SON: variants seen among roughly 807,000 people sequenced by gnomAD.
The protein encoded by SON is SON DNA and RNA binding protein, also known as protein SON.
A neutral mutation model predicts 173.3 loss-of-function variants in SON; 4 were observed. The ratio of observed to expected loss-of-function variants is 0.02; its 90% CI spans 0.01 to 0.05. The LOEUF is 0.05. SON is among the 10% of genes least tolerant of loss of function. The pLI, the probability that SON is intolerant of heterozygous loss-of-function variation, is 1.00. For missense variants in SON, 2,626 were observed against 3,055.3 expected (o/e 0.86, Z 3.31); for synonymous variants, 1,190 against 1,105.9 (o/e 1.08, Z -1.51).
At position 33,550,266 on chromosome 21, in the gene SON, C is replaced by G. The variant is rs774557128; in HGVS notation, c.1035C>G (p.Asp345Glu). 5.8e-5 allele frequency: 94 copies of G among 1,613,816 alleles called. 3 individuals carry two copies. The South Asian group carries it at 9.2e-4, about 16-fold the overall frequency. ...TAAGATTGCCAGAGCAGCCTGTAGA[C>G]GTACCATCGGAGATTGCAGATTCAT... The part of the protein sequence containing the change: ...EALRLPEQPV[D>E]VPSEIADSSM... Residue 345 changes from aspartate (D) to glutamate (E), a missense_variant, in exon 3 of 12, where the codon GAC becomes GAG. Asp to Glu is a conservative substitution (Grantham distance 45, BLOSUM62 2). Transcript: ENST00000356577.
intron 1 of SON, 144 bp from the exon 2 acceptor site, chr21:33,546,069 G>A: frequency 3.4e-6 from 2 of 592,966 alleles, no homozygotes; most frequent in Non-Finnish European, 5.6e-6. Context: ...ATGGTAAGAA[G>A]CATTATTAGT....
chr21:33,550,563 A>G lies in SON; in HGVS notation c.1332A>G (p.Thr444=). Residue 444 remains threonine (T), a synonymous_variant, in exon 3 of 12, where the codon ACA becomes ACG. Transcript: ENST00000356577. ...CTGAGTTGCCAGGGCCCTCTGTGACACCAGTGCCACAGTTGTCGCAGGAAT... is the reference window on the plus strand; with the variant it reads ...CTGAGTTGCCAGGGCCCTCTGTGACGCCAGTGCCACAGTTGTCGCAGGAAT... ...AVPELPGPSV[T]PVPQLSQELP... 6.2e-7 allele frequency: 1 copy of G among 1,613,628 alleles called. No homozygotes were observed. The highest frequency in any genetic ancestry group is 8.5e-7 in the Non-Finnish European group (1 of 1,179,852).
intron 11 of SON, 48 bp from the exon 12 acceptor site, chr21:33,576,317 A>C: frequency 1.1e-6 from 1 of 879,392 alleles, no homozygotes; most frequent in Non-Finnish European, 2.0e-6. Flanking sequence ...CAAAGCTAAT[A>C]GATATTAAAG....
At chr21:33,566,538 A>ATTT (rs72564634) in intron 6 of SON, among the ~76,000 whole-genome samples, 2 of 151,778 alleles carry the variant, frequency 1.3e-5, no homozygotes, top group African/African-American at 2.4e-5. Context: ...ATAGTGTAAT[A>ATTT]TACTTAATAT....
chr21:33,559,602 C>G lies in SON; in HGVS notation c.6484C>G (p.Pro2162Ala). 6.2e-7 allele frequency: 1 copy of G among 1,609,664 alleles called. No homozygotes were observed. Among genetic ancestry groups the G allele is most frequent in the Non-Finnish European group, 8.5e-7 (1 of 1,178,684 alleles). The change falls in exon 6 of 12, where the codon CCA becomes GCA. Residue 2162 changes from proline (P) to alanine (A), a missense_variant. Physicochemically the swap from Pro to Ala is conservative, Grantham distance 27. Transcript: ENST00000356577. This position sits in a 1 kb window ranked among gnomAD's most constrained non-coding sequence, Gnocchi z 4.1. ...TATTTTTTAGATTGCTGCAGCAAAACCAACTCCACCAAAAAGCCAGGTAAC... is the reference window on the plus strand; with the variant it reads ...TATTTTTTAGATTGCTGCAGCAAAAGCAACTCCACCAAAAAGCCAGGTAAC... ...FFNLNIAAAK[P>A]TPPKSQVTLT...
chr21:33,557,439 C>G, intron 4 of SON, 123 bp downstream of exon 4: 1 of 1,544,534 alleles, frequency 6.5e-7, no homozygotes. Context: ...TGGCCAAAAC[C>G]CGAAATACAG....
chr21:33,569,303 G>A, intron 8 of SON: 1 of 485,062 alleles, frequency 2.1e-6, no homozygotes, highest in Non-Finnish European at 3.8e-6. Context: ...AACTTATAAG[G>A]TTATTTTAAA....
rs2085905732 is a variant in SON at position 33,554,372 on chromosome 21, A to G, written c.5141A>G (p.Glu1714Gly). ...GEKEVPPPPK[E>G]TLPDSGFSAN... ...AAAGAAGTACCTCCCCCTCCTAAAG[A>G]GACACTGCCTGATTCAGGATTTTCT... Residue 1714 changes from glutamate (E) to glycine (G), a missense_variant, in exon 3 of 12, where the codon GAG (glutamate) becomes GGG (glycine). By Grantham distance (98) the Glu-to-Gly change is moderately conservative (BLOSUM62 -2). Transcript: ENST00000356577. The G allele has an allele frequency of 6.2e-7, 1 of 1,614,188 alleles. No homozygotes were observed. The highest frequency in any genetic ancestry group is 1.7e-5 in the Admixed American group (1 of 60,032).
chr21:33,574,576 A>T (rs938066292), intron 9 of SON, among the ~76,000 whole-genome samples: 8 of 152,136 alleles, frequency 5.3e-5, no homozygotes, highest in Non-Finnish European at 1.2e-4. Flanking sequence ...AAAACAGAAA[A>T]CTTTTTGAAT....
At position 33,576,660 on chromosome 21, in the gene SON, T is replaced by C. The variant is rs1456132880; in HGVS notation, c.*236T>C. 1.6e-6 allele frequency: 1 copy of C among 624,616 alleles called. No individual in the cohort carries two copies. The highest frequency in any genetic ancestry group is 3.0e-6 in the Non-Finnish European group (1 of 336,636). The allele number at this position is 624,616 out of a possible 1,614,324, so 38.7% of individuals were successfully genotyped here. A position where few individuals can be genotyped will look rare whatever the true frequency, so the allele number is the denominator to read the frequency against. On this transcript the variant is annotated 3_prime_UTR_variant, in exon 12 of 12. Coordinates refer to ENST00000356577, the MANE Select transcript of SON (RefSeq NM_138927.4). ...TTTAATGTTGTAAATATTTGGCAAT[T>C]TAAGACATTGTGTAAAAAGCAATCT...
rs201010079 is a variant in SON, at chr21:33,573,283, A to G, written c.6886-25A>G. 6.3e-6 allele frequency: 10 copies of G among 1,589,808 alleles called. No homozygotes were observed. The Admixed American group carries it at 1.4e-4, about 23-fold the overall frequency. On this transcript the variant is annotated intron_variant, in intron 8 of 11. Coordinates refer to ENST00000356577, the MANE Select transcript of SON (RefSeq NM_138927.4). Reference sequence around the variant, plus strand: ...CAAGTTCTAACTGTAAAATGGGGACATTTTACCTTTCTTTCTTTGGATAGG... The same window carrying G: ...CAAGTTCTAACTGTAAAATGGGGACGTTTTACCTTTCTTTCTTTGGATAGG...
chr21:33,559,114 C>T lies in SON; in HGVS notation c.6322-116C>T. Reference sequence around the variant, plus strand: ...ATATGCCAAGTTACGTATCTATAACCTATCATGAATCTTGTTTAACTTTGG... The same window carrying T: ...ATATGCCAAGTTACGTATCTATAACTTATCATGAATCTTGTTTAACTTTGG... On this transcript the variant is annotated intron_variant, in intron 4 of 11. Coordinates refer to ENST00000356577, the MANE Select transcript of SON (RefSeq NM_138927.4). This position sits in a 1 kb window ranked among gnomAD's most constrained non-coding sequence, Gnocchi z 4.1. The T allele has an allele frequency of 1.3e-6, 1 of 782,108 alleles. No homozygotes were observed. Among genetic ancestry groups the T allele is most frequent in the Non-Finnish European group, 2.0e-6 (1 of 505,046 alleles). The allele number at this position is 782,108 out of a possible 1,614,324, so 48.4% of individuals were successfully genotyped here. A position where few individuals can be genotyped will look rare whatever the true frequency, so the allele number is the denominator to read the frequency against.
Position 33,577,478 on chromosome 21 carries a change from T to A in SON, c.*1054T>A, listed in dbSNP as rs3178051. 2.0e-5 allele frequency: 3 copies of A among 152,620 alleles called. No homozygotes were observed. The South Asian group carries it at 6.2e-4, about 32-fold the overall frequency. 9.5% of individuals were successfully genotyped at this position (152,620 alleles called of 1,614,324 possible). On this transcript the variant is annotated 3_prime_UTR_variant, in exon 12 of 12. Coordinates refer to ENST00000356577, the MANE Select transcript of SON (RefSeq NM_138927.4). ...GGCCCAAATACAAACTTCTCTGGAA[T>A]AAACGTGGTGTTTTATTTTCTGGGT...
At chr21:33,573,266 A>T in intron 8 of SON, 42 bp from the exon 9 acceptor site, 2 of 1,541,318 alleles carry the variant, frequency 1.3e-6, no homozygotes, top group Non-Finnish European at 1.8e-6. Context: ...ACCAAGTTCT[A>T]ACTGTAAAAT....
chr21:33,552,832 T>G lies in SON; in HGVS notation c.3601T>G (p.Ser1201Ala). The G allele has an allele frequency of 6.2e-7, 1 of 1,613,540 alleles. No homozygotes were observed. ...AAATACTTGGCCTACAGAGGTGCCA[T>G]CATCACCATCTGAAGAGTCTGTATC... ...AENTWPTEVP[S>A]SPSEESVSQP... The change falls in exon 3 of 12, where the codon TCA becomes GCA. Residue 1201 changes from serine (S) to alanine (A), a missense_variant. Ser to Ala is a moderately conservative substitution (Grantham distance 99). Transcript: ENST00000356577. The surrounding 1 kb of genome is among the most constrained non-coding windows in gnomAD (Gnocchi z 5.6).
Position 33,549,477 on chromosome 21 carries a change from C to G in SON, c.246C>G (p.Asp82Glu). 1 of 1,525,218 alleles carries G rather than the reference C, an allele frequency of 6.6e-7. No homozygotes were observed. The highest frequency in any genetic ancestry group is 8.7e-7 in the Non-Finnish European group (1 of 1,143,542). 94.5% of individuals were successfully genotyped at this position (1,525,218 alleles called of 1,614,324 possible). A position where few individuals can be genotyped will look rare whatever the true frequency, so the allele number is the denominator to read the frequency against. ...VLDTELRYKP[D>E]LKEGSRKSRC... is the part of the protein sequence containing the mutation. The stretch of plus-strand genomic sequence containing the variant: ...AAAATTAATTTCTATTACTTTTAGA[C>G]TTGAAAGAGGGCTCCAGAAAAAGTA... The change falls in exon 3 of 12, where the codon GAC becomes GAG. Residue 82 changes from aspartate to glutamate, a missense_variant and splice_region_variant. Asp to Glu is a conservative substitution (Grantham distance 45). Transcript: ENST00000356577.
Position 33,555,195 on chromosome 21 carries a change from T to C in SON, c.5964T>C (p.Pro1988=), listed in dbSNP as rs139304331. ...CCCCCAGCCGCCGGAGCCGCACCCC[T>C]AGCCGTCGGAGCCGCACCCCAAGCC... The part of the protein sequence containing the change: ...SRTPSRRSRT[P]SRRSRTPSRR... Residue 1988 remains proline (P), a synonymous_variant, in exon 3 of 12, where the codon CCT becomes CCC. Coordinates refer to ENST00000356577, the MANE Select transcript of SON (RefSeq NM_138927.4). 850 of 1,505,168 alleles carry C rather than the reference T, an allele frequency of 5.6e-4. 10 individuals carry two copies. The East Asian group carries it at 0.013, about 22-fold the overall frequency. The allele number at this position is 1,505,168 out of a possible 1,614,324, so 93.2% of individuals were successfully genotyped here.
At chr21:33,569,706 A>C in intron 8 of SON, 1 of 413,550 alleles carries the variant, frequency 2.4e-6, no homozygotes, top group African/African-American at 2.1e-5. Flanking sequence ...TTAGCTCTGC[A>C]TGTGGTGATC....
Position 33,554,921 on chromosome 21 carries a change from A to C in SON, c.5690A>C (p.His1897Pro), listed in dbSNP as rs770772481. ...GAGAAGCGCAAAAGATCTCCAAAGC[A>C]CAGATCCAAGTCTAGGGAAAGAAAA... ...SKEKRKRSPK[H>P]RSKSRERKRK... Residue 1897 changes from histidine to proline, a missense_variant, in exon 3 of 12, where the codon CAC becomes CCC. His to Pro is a moderately conservative substitution (Grantham distance 77, BLOSUM62 -2). Coordinates refer to ENST00000356577, the MANE Select transcript of SON (RefSeq NM_138927.4). 1.9e-6 allele frequency: 3 copies of C among 1,614,198 alleles called. No homozygotes were observed. The South Asian group carries it at 3.3e-5, about 18-fold the overall frequency.
Sources: allele counts gnomAD v4.1 joint callset (sites outside exome capture counted in the v4.1 genomes callset), GRCh38; gene constraint gnomAD v4.1.1; non-coding constraint Gnocchi (gnomAD v3.1); transcripts MANE v1.5; gene names NCBI Gene and HGNC (gene_info 2026-07-23, HGNC 2026-07-21).